Variants in CKM observed in about 807,000 individuals in gnomAD.
CKM encodes the protein creatine kinase M-type.
A neutral mutation model predicts 35.4 loss-of-function variants in CKM; 28 were observed. The observed-to-expected ratio is 0.79, with a 90% CI of 0.59 to 1.08. CKM has a LOEUF of 1.08. Among genes scored for constraint, CKM ranks in the 50% least tolerant of loss-of-function variants. CKM has a pLI of 0.00. For missense variants in CKM, 484 were observed against 509.8 expected, an observed-to-expected ratio of 0.95 and a Z score of 0.49; for synonymous variants, 215 against 204.4, an observed-to-expected ratio of 1.05 and a Z score of -0.44.
intron 1 of CKM, among the ~76,000 whole-genome samples, chr19:45,321,194 G>A (rs1291326292): frequency 6.6e-6 from 1 of 152,060 alleles, no homozygotes; most frequent in African/African-American, 2.4e-5. Context: ...ATGAGTCACG[G>A]CACCTGGCCT....
rs759154185 is a variant in CKM at position 45,315,530 on chromosome 19, C to T, written c.416G>A (p.Gly139Asp). Residue 139 changes from glycine (G) to aspartate (D), a missense_variant, in exon 4 of 8, where the codon GGC becomes GAC. Physicochemically the swap from Gly to Asp is moderately conservative, Grantham distance 94. Coordinates refer to ENST00000221476, the MANE Select transcript of CKM (RefSeq NM_001824.5). ...SRVRTGRSIK[G>D]YTLPPHCSRG... The stretch of plus-strand genomic sequence containing the variant: ...GGAGCAGTGTGGGGGCAACGTGTAG[C>T]CCTTGATGCTGCGGCCAGTGCGGAC... 2 of 1,602,046 alleles carry T rather than the reference C, an allele frequency of 1.2e-6. No homozygotes were observed. Among genetic ancestry groups the T allele is most frequent in the South Asian group, 2.2e-5 (2 of 91,076 alleles).
rs768247691 is a variant in CKM, at chr19:45,317,812, C to G, written c.348+13G>C. On this transcript the variant is annotated intron_variant, in intron 3 of 7. Transcript: ENST00000221476. ...CTCACCCCTCGGCCCTCCCCTCCTG[C>G]GCAGACACCGACCTTGAGGTTTTCA... 1 of 1,613,946 alleles carries G rather than the reference C, an allele frequency of 6.2e-7. No individual in the cohort carries two copies. Among genetic ancestry groups the G allele is most frequent in the Admixed American group, 1.7e-5 (1 of 59,978 alleles).
intron 1 of CKM, among the ~76,000 whole-genome samples, chr19:45,320,627 C>T (rs113482117): frequency 2.6e-5 from 4 of 152,260 alleles, no homozygotes; most frequent in South Asian, 4.2e-4. Flanking sequence ...GGGCCCCTCC[C>T]GGAGGCTGGA....
At chr19:45,319,797 T>C (rs1971195922) in intron 1 of CKM, 66 bp from the exon 2 acceptor site, 2 of 1,091,812 alleles carry the variant, frequency 1.8e-6, no homozygotes, top group Non-Finnish European at 2.6e-6. Flanking sequence ...TTCTTCTTCT[T>C]TTTTTTTTTT....
intron 2 of CKM, among the ~76,000 whole-genome samples, chr19:45,319,296 G>C (rs1352808815): frequency 1.3e-5 from 2 of 152,172 alleles, no homozygotes; most frequent in Non-Finnish European, 2.9e-5. Flanking sequence ...CGACCTCCTT[G>C]GGGATCTCAC....
chr19:45,319,937 C>T (rs1971197599), intron 1 of CKM, among the ~76,000 whole-genome samples: 1 of 151,886 alleles, frequency 6.6e-6, no homozygotes. Context: ...AATACAGGCG[C>T]CCGCCACCAC....
chr19:45,308,362 G>T (rs1303880707), intron 6 of CKM, 47 bp downstream of exon 6: 2 of 1,612,658 alleles, frequency 1.2e-6, no homozygotes, highest in Non-Finnish European at 8.5e-7. Context: ...AGCAGGTGGG[G>T]CGTTCAAGGT....
At position 45,311,734 on chromosome 19, in the gene CKM, G is replaced by A. The variant is rs370127584; in HGVS notation, c.653+15C>T. ...CTGGGGGAAGAGGAAGCCAGGGGGCGGGGAGGGGCCTCACCAGATGCCACG... is the reference window on the plus strand; with the variant it reads ...CTGGGGGAAGAGGAAGCCAGGGGGCAGGGAGGGGCCTCACCAGATGCCACG... On this transcript the variant is annotated intron_variant, in intron 5 of 7. Transcript: ENST00000221476. 29 of 1,557,414 alleles carry A rather than the reference G, an allele frequency of 1.9e-5. No individual in the cohort carries two copies. Among genetic ancestry groups the A allele is most frequent in the Admixed American group, 1.1e-4 (6 of 52,604 alleles).
Position 45,317,906 on chromosome 19 carries a change from A to G in CKM, c.267T>C (p.Phe89=), listed in dbSNP as rs750296124. ...CGTGGCGATCCGAGATGATGGGGTC[A>G]AAGAGTTCCTTGAAAACTTCGTAGG... is the stretch of plus-strand genomic sequence containing the variant. ...EESYEVFKEL[F]DPIISDRHGG... Residue 89 remains phenylalanine (F), a synonymous_variant, in exon 3 of 8, where the codon TTT becomes TTC. Transcript: ENST00000221476. 49 of 1,613,810 alleles carry G rather than the reference A, an allele frequency of 3.0e-5. No homozygotes were observed. Among genetic ancestry groups the G allele is most frequent in the Admixed American group, 8.3e-5 (5 of 59,954 alleles).
At chr19:45,315,137 C>G (rs951268802) in intron 4 of CKM, among the ~76,000 whole-genome samples, 13 of 152,244 alleles carry the variant, frequency 8.5e-5, no homozygotes, top group Admixed American at 7.2e-4. Context: ...CAGCTGAACA[C>G]TCTGTGAGAA....
chr19:45,322,857 C>G lies in CKM; in HGVS notation c.-55G>C. ...GGGCTGAAGGGGGGCTGTCTGTATCCTGGAGGTGACACTGACCCAAAGGAA... is the reference window on the plus strand; with the variant it reads ...GGGCTGAAGGGGGGCTGTCTGTATCGTGGAGGTGACACTGACCCAAAGGAA... On this transcript the variant is annotated 5_prime_UTR_variant, in exon 1 of 8. Transcript: ENST00000221476. 1 of 986,166 alleles carries G rather than the reference C, an allele frequency of 1.0e-6. No individual in the cohort carries two copies. The highest frequency in any genetic ancestry group is 1.2e-6 in the Non-Finnish European group (1 of 830,548). The allele number at this position is 986,166 out of a possible 1,614,324, so 61.1% of individuals were successfully genotyped here. A position where few individuals can be genotyped will look rare whatever the true frequency, so the allele number is the denominator to read the frequency against.
Position 45,306,696 on chromosome 19 carries a change from G to T in CKM, c.*54C>A, listed in dbSNP as rs1198022866. 2.5e-6 allele frequency: 4 copies of T among 1,595,068 alleles called. No homozygotes were observed. Among genetic ancestry groups the T allele is most frequent in the South Asian group, 1.1e-5 (1 of 90,710 alleles). Reference sequence around the variant, plus strand: ...GAGTGAGGGAGCAGGACTCTGGTGGGCCAGGCCCTCCCACTGGCTGGGTTC... The same window carrying T: ...GAGTGAGGGAGCAGGACTCTGGTGGTCCAGGCCCTCCCACTGGCTGGGTTC... On this transcript the variant is annotated 3_prime_UTR_variant, in exon 8 of 8. Coordinates refer to ENST00000221476, the MANE Select transcript of CKM (RefSeq NM_001824.5). This position sits in a 1 kb window ranked among gnomAD's most constrained non-coding sequence, Gnocchi z 4.5.
intron 2 of CKM, 151 bp downstream of exon 2, chr19:45,319,370 G>A (rs1971189105): frequency 3.1e-6 from 2 of 652,774 alleles, no homozygotes; most frequent in Admixed American, 2.5e-5. Context: ...AAGCCTTTAT[G>A]TATATTAATG....
At chr19:45,316,378 G>T (rs939029306) in intron 3 of CKM, among the ~76,000 whole-genome samples, 1 of 148,728 alleles carries the variant, frequency 6.7e-6, no homozygotes, top group African/African-American at 2.5e-5. Flanking sequence ...TGCCCAGGCT[G>T]GTCTCAAACT....
Position 45,311,737 on chromosome 19 carries a change from GA to G in CKM, c.653+11del. On this transcript the variant is annotated intron_variant, in intron 5 of 7. Transcript: ENST00000221476. ...GGGGAAGAGGAAGCCAGGGGGCGGG[GA>G]GGGGCCTCACCAGATGCCACGGGCG... 2 of 1,561,024 alleles carry G rather than the reference GA, an allele frequency of 1.3e-6. No homozygotes were observed. Among genetic ancestry groups the G allele is most frequent in the Non-Finnish European group, 1.7e-6 (2 of 1,155,544 alleles).
At chr19:45,317,697 T>C (rs1971171991) in intron 3 of CKM, 128 bp downstream of exon 3, 7 of 1,092,606 alleles carry the variant, frequency 6.4e-6, no homozygotes, top group Non-Finnish European at 9.5e-6. Context: ...CCCTCTCTCT[T>C]TCCATCTCTC....
Position 45,319,632 on chromosome 19 carries a change from TG to T in CKM, c.81del (p.Asn27LysfsTer8). ...AGGGTCAGTACCTTGGCCATGTGGT[TG>T]TTATGTTTGCTGAGGTCGGGGTACT... ...EEEYPDLSKH[N>X]NHMAKVLTLE... On this transcript the variant is annotated frameshift_variant, in exon 2 of 8. Transcript: ENST00000221476. LOFTEE classifies it high-confidence loss of function. 6.2e-7 allele frequency: 1 copy of T among 1,614,102 alleles called. No homozygotes were observed. The highest frequency in any genetic ancestry group is 8.5e-7 in the Non-Finnish European group (1 of 1,180,016).
intron 4 of CKM, among the ~76,000 whole-genome samples, chr19:45,312,990 G>T (rs1383702392): frequency 6.6e-6 from 1 of 150,514 alleles, no homozygotes; most frequent in Non-Finnish European, 1.5e-5. Context: ...GTGTTTATTT[G>T]TATATTCATG....
In CKM at chr19:45,311,862, C is replaced by A; in HGVS notation, c.540G>T (p.Thr180=). 1.9e-6 allele frequency: 3 copies of A among 1,613,930 alleles called. No individual in the cohort carries two copies. Among genetic ancestry groups the A allele is most frequent in the South Asian group, 2.2e-5 (2 of 90,986 alleles). The stretch of plus-strand genomic sequence containing the variant: ...CGATGAGCTGCTGCTGCTCCTTCTC[C>A]GTCATGCTCTTCAGAGGGTAGTACT... The part of the protein sequence containing the change: ...KGKYYPLKSM[T]EKEQQQLIDD... The change falls in exon 5 of 8, where the codon ACG becomes ACT. Residue 180 remains threonine, a synonymous_variant. Transcript: ENST00000221476.
Sources: gnomAD v4.1 joint callset for allele counts (sites outside exome capture counted in the v4.1 genomes callset) on GRCh38, gnomAD v4.1.1 for gene constraint, Gnocchi (gnomAD v3.1) non-coding constraint, MANE v1.5 for transcripts, NCBI Gene and HGNC (gene_info 2026-07-23, HGNC 2026-07-21) for gene names.